The following CDK14 variants were observed in gnomAD, a reference collection of about 807,000 sequenced individuals.
The protein encoded by CDK14 is cyclin dependent kinase 14.
Under a neutral mutation model 60.7 loss-of-function variants are expected in CDK14, and 34 were observed. The observed-to-expected ratio is 0.56, with a 90% CI of 0.43 to 0.75. The LOEUF is 0.75. Ranked by LOEUF, CDK14 falls within the 30% of genes least tolerant of loss-of-function variation. The pLI is 0.00. For missense variants in CDK14, 482 were observed against 564.1 expected (o/e 0.85, Z 1.47); for synonymous variants, 197 against 203.7 (o/e 0.97, Z 0.28).
chr7:90,624,716 C>G (rs1475583343), intron 2 of CDK14, among the ~76,000 whole-genome samples: 1 of 152,216 alleles, frequency 6.6e-6, no homozygotes, highest in East Asian at 1.9e-4. Context: ...ATTTGAAACT[C>G]TGCTCCACCA....
intron 2 of CDK14, among the ~76,000 whole-genome samples, chr7:90,659,447 T>G (rs17623087): frequency 6.6e-6 from 1 of 152,172 alleles, no homozygotes; most frequent in East Asian, 1.9e-4. Context: ...AGCTTCTTTT[T>G]GTTCAATAAA....
intron 5 of CDK14, among the ~76,000 whole-genome samples, chr7:90,803,575 G>T (rs1288408757): frequency 2.0e-5 from 3 of 152,116 alleles, no homozygotes; most frequent in African/African-American, 7.2e-5. Context: ...AGTAACTGTG[G>T]TTGGGGATAG....
At chr7:90,639,349 C>G (rs370915931) in intron 2 of CDK14, among the ~76,000 whole-genome samples, 2 of 152,022 alleles carry the variant, frequency 1.3e-5, no homozygotes, top group African/African-American at 2.4e-5. Flanking sequence ...TTCTAACAGA[C>G]AGGACCCTCA....
intron 4 of CDK14, among the ~76,000 whole-genome samples, chr7:90,784,609 C>T (rs1321779479): frequency 6.6e-6 from 1 of 152,188 alleles, no homozygotes; most frequent in Non-Finnish European, 1.5e-5. Flanking sequence ...TCTTCTTCCA[C>T]TTCTCTCTGT....
intron 10 of CDK14, among the ~76,000 whole-genome samples, chr7:90,990,386 TAAGCTACAATTTTTAAA>T (rs1795497507): frequency 6.6e-6 from 1 of 152,160 alleles, no homozygotes; most frequent in Non-Finnish European, 1.5e-5. Context: ...TTGAAAATAT[TAAGCTACAATTTTTAAA>T]TCAATTTTAG....
intron 4 of CDK14, among the ~76,000 whole-genome samples, chr7:90,756,990 C>G (rs866724225): frequency 6.6e-6 from 1 of 152,100 alleles, no homozygotes; most frequent in Admixed American, 6.5e-5. Context: ...TAACAATGTC[C>G]CACAATCTGG....
At chr7:90,772,773 A>G (rs184437321) in intron 4 of CDK14, among the ~76,000 whole-genome samples, 2 of 152,346 alleles carry the variant, frequency 1.3e-5, no homozygotes, top group Non-Finnish European at 2.9e-5. Context: ...AGCATGCAAG[A>G]ACAGACTAAT....
chr7:90,757,593 A>G (rs1804132442), intron 4 of CDK14, among the ~76,000 whole-genome samples: 1 of 150,780 alleles, frequency 6.6e-6, no homozygotes, highest in African/African-American at 2.4e-5. Context: ...GATTTGTGTA[A>G]TTCTTTTTTT....
chr7:90,938,475 G>A (rs746529517), intron 8 of CDK14, among the ~76,000 whole-genome samples: 2 of 152,004 alleles, frequency 1.3e-5, no homozygotes, highest in African/African-American at 2.4e-5. Context: ...ACTTTTGGGG[G>A]GTTAAAACTT....
At chr7:91,032,206 A>G (rs1796782013) in intron 10 of CDK14, among the ~76,000 whole-genome samples, 1 of 152,218 alleles carries the variant, frequency 6.6e-6, no homozygotes, top group Non-Finnish European at 1.5e-5. Flanking sequence ...GTAAAATTGC[A>G]AATAGTAAAC....
At chr7:91,197,154 C>T (rs113559489) in intron 14 of CDK14, among the ~76,000 whole-genome samples, 11 of 152,122 alleles carry the variant, frequency 7.2e-5, no homozygotes, top group African/African-American at 2.7e-4. Context: ...AATCCCAGCA[C>T]TTTGGGAGGC....
intron 2 of CDK14, among the ~76,000 whole-genome samples, chr7:90,638,246 C>T (rs913737050): frequency 3.3e-5 from 5 of 152,212 alleles, no homozygotes; most frequent in African/African-American, 1.2e-4. Context: ...TACATTTTGG[C>T]ATGATTTTGC....
chr7:91,189,750 G>T (rs184300800), intron 14 of CDK14, among the ~76,000 whole-genome samples: 1 of 152,126 alleles, frequency 6.6e-6, no homozygotes, highest in African/African-American at 2.4e-5. Context: ...ATGGCTTGTG[G>T]TATTTTTCTC....
At chr7:90,847,749 T>C (rs957486727) in intron 5 of CDK14, among the ~76,000 whole-genome samples, 6 of 152,238 alleles carry the variant, frequency 3.9e-5, no homozygotes, top group Non-Finnish European at 2.9e-5. Context: ...GTTTAGGTTA[T>C]TTCTAATATT....
intron 2 of CDK14, 100 bp downstream of exon 2, chr7:90,604,349 T>C (rs889844611): frequency 3.4e-6 from 2 of 593,482 alleles, no homozygotes; most frequent in African/African-American, 2.0e-5. Flanking sequence ...AAAATGCCTT[T>C]AAAACGCGAG....
chr7:91,083,173 T>C (rs1798530216), intron 12 of CDK14, among the ~76,000 whole-genome samples: 1 of 152,196 alleles, frequency 6.6e-6, no homozygotes, highest in Admixed American at 6.5e-5. Context: ...TTTTAATTTA[T>C]TTAGTGCCTG....
chr7:90,745,039 GGATTTGTATAC>G (rs1803535930), intron 3 of CDK14, among the ~76,000 whole-genome samples: 1 of 151,690 alleles, frequency 6.6e-6, no homozygotes, highest in South Asian at 2.1e-4. Context: ...AATTTGTTTG[GGATTTGTATAC>G]CTTATTTATA....
At chr7:90,646,460 CT>C (rs551080197) in intron 2 of CDK14, among the ~76,000 whole-genome samples, 3 of 151,254 alleles carry the variant, frequency 2.0e-5, no homozygotes, top group African/African-American at 7.2e-5. Context: ...TTCTCTTGTT[CT>C]TTTTCCCCAT....
chr7:90,873,670 G>A (rs1202478951), intron 6 of CDK14, among the ~76,000 whole-genome samples: 1 of 152,082 alleles, frequency 6.6e-6, no homozygotes, highest in Non-Finnish European at 1.5e-5. Flanking sequence ...GGTTTCTTAT[G>A]AAAAAACAGC....
Sources: allele counts gnomAD v4.1 joint callset (sites outside exome capture counted in the v4.1 genomes callset), GRCh38; gene constraint gnomAD v4.1.1; transcripts MANE v1.5; gene names NCBI Gene and HGNC (gene_info 2026-07-23, HGNC 2026-07-21).